KIAA0825: variants seen among roughly 807,000 people sequenced by gnomAD.
The protein encoded by KIAA0825 is KIAA0825.
Under a neutral mutation model 147.6 loss-of-function variants are expected in KIAA0825, and 119 were observed. That is an observed-to-expected ratio of 0.81 (90% CI 0.69 to 0.94). The LOEUF (loss-of-function observed/expected upper bound fraction) is 0.94. Among genes scored for constraint, KIAA0825 ranks in the 40% least tolerant of loss-of-function variants. The probability of loss-of-function intolerance (pLI) is 0.00; values close to 1 mark genes in which losing one functional copy is unlikely to be tolerated. For synonymous variants in KIAA0825, 470 were observed against 518.1 expected (o/e 0.91, Z 1.26); for missense variants, 1,381 against 1,472.7 (o/e 0.94, Z 1.02).
At chr5:94,559,208 T>A (rs1425831770) in intron 2 of KIAA0825, among the ~76,000 whole-genome samples, 1 of 152,184 alleles carries the variant, frequency 6.6e-6, no homozygotes, top group Non-Finnish European at 1.5e-5. Context: ...GCAAATCAAC[T>A]GCATTTTATA....
intron 20 of KIAA0825, among the ~76,000 whole-genome samples, chr5:94,315,792 G>A (rs1177657452): frequency 4.6e-5 from 7 of 151,690 alleles, no homozygotes; most frequent in South Asian, 2.1e-4. Context: ...GCCATAATGT[G>A]TAATCGCATT....
At chr5:94,404,867 C>T (rs936151287) in intron 15 of KIAA0825, among the ~76,000 whole-genome samples, 5 of 152,038 alleles carry the variant, frequency 3.3e-5, no homozygotes, top group Admixed American at 6.6e-5. Flanking sequence ...GGAGGGGCTT[C>T]GGTGTCCTCA....
Position 94,501,368 on chromosome 5 carries a change from C to T in KIAA0825, c.971-16438G>A, listed in dbSNP as rs561744678. Among the ~76,000 whole-genome samples the T allele has an allele frequency of 5.8e-4, 88 of 152,296 alleles. 1 individual carries two copies. Among genetic ancestry groups the T allele is most frequent in the African/African-American group, 2.0e-3 (84 of 41,570 alleles). Reference sequence around the variant, plus strand: ...TAATAGCCATATTAATACTTAGATGCTATGAGGAAGGTTTTATTTTTATCA... The same window carrying T: ...TAATAGCCATATTAATACTTAGATGTTATGAGGAAGGTTTTATTTTTATCA... On this transcript the variant is annotated intron_variant, in intron 5 of 20. Transcript: ENST00000682413.
intron 20 of KIAA0825, among the ~76,000 whole-genome samples, chr5:94,294,213 C>T (rs1185903312): frequency 6.6e-6 from 1 of 152,144 alleles, no homozygotes; most frequent in Non-Finnish European, 1.5e-5. Flanking sequence ...GATGCAGTTT[C>T]TTCATAGTGT....
chr5:94,342,110 G>T (rs1171407055), intron 20 of KIAA0825, among the ~76,000 whole-genome samples: 1 of 151,796 alleles, frequency 6.6e-6, no homozygotes, highest in African/African-American at 2.4e-5. Context: ...GCAGGAGAAT[G>T]GCATGAACCT....
chr5:94,613,876 C>T (rs915387748), intron 1 of KIAA0825, among the ~76,000 whole-genome samples: 2 of 152,208 alleles, frequency 1.3e-5, no homozygotes, highest in Middle Eastern at 3.2e-3. Context: ...CCTTTCATAC[C>T]TTATGAATTT....
chr5:94,586,101 T>A (rs948485207), intron 1 of KIAA0825, among the ~76,000 whole-genome samples: 3 of 152,078 alleles, frequency 2.0e-5, no homozygotes, highest in African/African-American at 7.2e-5. Flanking sequence ...AGATCTAAAA[T>A]TGACACCCTA....
At chr5:94,516,625 A>T (rs999792066) in intron 5 of KIAA0825, among the ~76,000 whole-genome samples, 12 of 148,792 alleles carry the variant, frequency 8.1e-5, no homozygotes, top group African/African-American at 3.0e-4. Flanking sequence ...CCCCGTCTCT[A>T]CTAAAAATAC....
At chr5:94,409,109 A>G (rs1752444119) in intron 15 of KIAA0825, among the ~76,000 whole-genome samples, 1 of 152,192 alleles carries the variant, frequency 6.6e-6, no homozygotes, top group South Asian at 2.1e-4. Context: ...TTATTTAGGA[A>G]ATTAGTGTTT....
chr5:94,178,214 G>A (rs2149968484), intron 20 of KIAA0825, among the ~76,000 whole-genome samples: 1 of 151,790 alleles, frequency 6.6e-6, no homozygotes, highest in African/African-American at 2.4e-5. Flanking sequence ...GCATTTTTGG[G>A]TTTTCTAAGA....
chr5:94,403,809 G>T lies in KIAA0825; in HGVS notation c.2663-16C>A. 2 of 1,545,020 alleles carry T rather than the reference G, an allele frequency of 1.3e-6. No homozygotes were observed. Among genetic ancestry groups the T allele is most frequent in the Non-Finnish European group, 1.8e-6 (2 of 1,141,360 alleles). ...CACGTTGAGACTTTAAAATCAGATG[G>T]CATATTATGGTTAGCAGAACCTAGC... On this transcript the variant is annotated splice_polypyrimidine_tract_variant and intron_variant, in intron 15 of 20. Transcript: ENST00000682413.
intron 20 of KIAA0825, among the ~76,000 whole-genome samples, chr5:94,339,749 A>G (rs1447417824): frequency 1.3e-5 from 2 of 152,190 alleles, no homozygotes; most frequent in Non-Finnish European, 2.9e-5. Flanking sequence ...CCAAACACAA[A>G]CCTTATACAA....
intron 20 of KIAA0825, among the ~76,000 whole-genome samples, chr5:94,332,690 T>A (rs1380455394): frequency 1.3e-5 from 2 of 152,180 alleles, no homozygotes; most frequent in Admixed American, 1.3e-4. Flanking sequence ...AACATACGTG[T>A]GCATGTGTCT....
Position 94,462,451 on chromosome 5 carries a change from T to G in KIAA0825, c.2182A>C (p.Thr728Pro). The change falls in exon 12 of 21, where the codon ACT becomes CCT. Residue 728 changes from threonine (T) to proline (P), a missense_variant. Physicochemically the swap from Thr to Pro is conservative, Grantham distance 38. Coordinates refer to ENST00000682413, the MANE Select transcript of KIAA0825 (RefSeq NM_001145678.3). ...GTTGTAAACAGATTATTACAATGAGTGTGAATTTTAAAAATTTTATCATCT... is the reference window on the plus strand; with the variant it reads ...GTTGTAAACAGATTATTACAATGAGGGTGAATTTTAAAAATTTTATCATCT... Reference protein sequence around the residue: ...HTDDKIFKIHTHCNNLFTTLV... With the variant: ...HTDDKIFKIHPHCNNLFTTLV... 1 of 1,515,858 alleles carries G rather than the reference T, an allele frequency of 6.6e-7. No individual in the cohort carries two copies. Among genetic ancestry groups the G allele is most frequent in the Non-Finnish European group, 9.0e-7 (1 of 1,116,184 alleles). The allele number at this position is 1,515,858 out of a possible 1,614,324, so 93.9% of individuals were successfully genotyped here.
intron 3 of KIAA0825, among the ~76,000 whole-genome samples, chr5:94,532,423 G>A (rs1224108837): frequency 6.6e-6 from 1 of 152,028 alleles, no homozygotes. Flanking sequence ...TCAAAGTGCT[G>A]CGATTATAGG....
At chr5:94,578,185 A>G (rs1399629078) in intron 2 of KIAA0825, among the ~76,000 whole-genome samples, 1 of 152,226 alleles carries the variant, frequency 6.6e-6, no homozygotes, top group Admixed American at 6.5e-5. Flanking sequence ...TATTCAATTC[A>G]AAGATGGAAA....
chr5:94,334,691 C>T (rs1454844381), intron 20 of KIAA0825, among the ~76,000 whole-genome samples: 4 of 152,116 alleles, frequency 2.6e-5, no homozygotes, highest in African/African-American at 9.7e-5. Flanking sequence ...ACCATGTTGG[C>T]CCGGTTGGTA....
At chr5:94,544,137 GT>G (rs956492240) in intron 2 of KIAA0825, among the ~76,000 whole-genome samples, 7 of 152,180 alleles carry the variant, frequency 4.6e-5, no homozygotes, top group African/African-American at 1.7e-4. Flanking sequence ...CCTCTTTCCT[GT>G]AACGGAATAA....
intron 1 of KIAA0825, chr5:94,593,127 G>A: frequency 1.3e-6 from 1 of 745,028 alleles, no homozygotes; most frequent in South Asian, 1.4e-5. Context: ...TGGTGAATGT[G>A]TTATACATCA....
Sources: gnomAD v4.1 joint callset for allele counts (sites outside exome capture counted in the v4.1 genomes callset) on GRCh38, gnomAD v4.1.1 for gene constraint, MANE v1.5 for transcripts, NCBI Gene and HGNC (gene_info 2026-07-23, HGNC 2026-07-21) for gene names.